KIN: variants seen among roughly 807,000 people sequenced by gnomAD.
KIN encodes the protein DNA/RNA-binding protein KIN17.
Under a neutral mutation model 63.0 loss-of-function variants are expected in KIN, and 47 were observed. That is an observed-to-expected ratio of 0.75 (90% CI 0.59 to 0.95). KIN has a LOEUF of 0.95. Ranked by LOEUF, KIN falls within the 40% of genes least tolerant of loss-of-function variation. The pLI is 0.00. For synonymous variants in KIN, 160 were observed against 157.7 expected (o/e 1.01, Z -0.11); for missense variants, 408 against 460.9 (o/e 0.89, Z 1.05).
intron 8 of KIN, among the ~76,000 whole-genome samples, chr10:7,768,927 G>A (rs1284641809): frequency 6.6e-6 from 1 of 152,090 alleles, no homozygotes; most frequent in Non-Finnish European, 1.5e-5. Flanking sequence ...TGAGCCAGGA[G>A]AATCATTTGA....
chr10:7,781,026 T>C (rs905673875), intron 2 of KIN, among the ~76,000 whole-genome samples: 3 of 152,208 alleles, frequency 2.0e-5, no homozygotes, highest in Non-Finnish European at 4.4e-5. Flanking sequence ...GTACACCGTA[T>C]TAAGTGCTAG....
intron 12 of KIN, among the ~76,000 whole-genome samples, chr10:7,757,865 T>C (rs1835362397): frequency 6.6e-6 from 1 of 152,110 alleles, no homozygotes; most frequent in Non-Finnish European, 1.5e-5. Context: ...CTGAAGCTAT[T>C]TAGGAACAAT....
At chr10:7,770,802 A>G (rs1418434395) in intron 7 of KIN, among the ~76,000 whole-genome samples, 1 of 152,194 alleles carries the variant, frequency 6.6e-6, no homozygotes, top group Non-Finnish European at 1.5e-5. Flanking sequence ...CAACAGATTT[A>G]TTATTTTCCT....
chr10:7,782,094 ATTTTTTTAAAAAACTTGT>A (rs1282994722), intron 2 of KIN, among the ~76,000 whole-genome samples: 1 of 152,064 alleles, frequency 6.6e-6, no homozygotes, highest in Non-Finnish European at 1.5e-5. Context: ...TTATAAACCA[ATTTTTTTAAAAAACTTGT>A]TTTTATTTCC....
chr10:7,766,752 G>A (rs531532969), intron 8 of KIN, among the ~76,000 whole-genome samples: 10 of 152,192 alleles, frequency 6.6e-5, no homozygotes, highest in South Asian at 4.1e-4. Context: ...GGCTGGGCGC[G>A]GTGGCTTATG....
chr10:7,775,708 AG>A, intron 6 of KIN, 42 bp downstream of exon 6: 1 of 1,064,712 alleles, frequency 9.4e-7, no homozygotes, highest in Non-Finnish European at 1.4e-6. Context: ...CCAATATAAA[AG>A]CATCTATGTT....
intron 7 of KIN, among the ~76,000 whole-genome samples, chr10:7,770,602 T>G (rs779559200): frequency 5.3e-5 from 8 of 152,224 alleles, no homozygotes; most frequent in Middle Eastern, 3.2e-3. Flanking sequence ...TATTTTTTCC[T>G]GCAAAGTAGC....
chr10:7,761,937 G>T (rs940681337), intron 11 of KIN, among the ~76,000 whole-genome samples: 1 of 152,118 alleles, frequency 6.6e-6, no homozygotes, highest in African/African-American at 2.4e-5. Flanking sequence ...GGAGATGGAG[G>T]TTGCAGTAAG....
At chr10:7,776,003 C>T (rs1835762790) in intron 5 of KIN, among the ~76,000 whole-genome samples, 1 of 151,778 alleles carries the variant, frequency 6.6e-6, no homozygotes, top group African/African-American at 2.4e-5. Context: ...CCGAGGCGGG[C>T]AGATCATGAG....
At chr10:7,769,106 C>A in intron 8 of KIN, 110 bp downstream of exon 8, 1 of 997,448 alleles carries the variant, frequency 1.0e-6, no homozygotes, top group Non-Finnish European at 1.5e-6. Context: ...GTCACTATTC[C>A]CTAGTCCGTA....
rs796977812 is a variant in KIN at position 7,786,599 on chromosome 10, CA to C, written c.114+1220del. Among the ~76,000 whole-genome samples, 935 of 140,012 alleles carry C rather than the reference CA, an allele frequency of 6.7e-3. 15 individuals are homozygous for C. Among genetic ancestry groups the C allele is most frequent in the African/African-American group, 0.021 (815 of 38,490 alleles). The allele number at this position is 140,012 out of a possible 152,430, so 91.9% of individuals were successfully genotyped here. On this transcript the variant is annotated intron_variant, in intron 1 of 12. Transcript: ENST00000379562. ...TGATGAACAGGGTGGGACCGTATCT[CA>C]AAAAAAAAAAGAGGAAGAGAAGTTT...
intron 5 of KIN, among the ~76,000 whole-genome samples, chr10:7,777,871 C>T (rs35425637): frequency 0.015 from 2,314 of 150,652 alleles, 27 homozygotes; most frequent in South Asian, 0.029. Context: ...TGCACTCCAG[C>T]CTGGGCGACA....
Position 7,755,402 on chromosome 10 carries a change from C to A in KIN, c.*678G>T, listed in dbSNP as rs1835314292. 3 of 152,268 alleles carry A rather than the reference C, an allele frequency of 2.0e-5. No individual in the cohort carries two copies. The highest frequency in any genetic ancestry group is 4.8e-5 in the African/African-American group (2 of 41,558). 9.4% of individuals were successfully genotyped at this position (152,268 alleles called of 1,614,324 possible). ...GTAAGAAGCCAGTCATAAAAGATCA[C>A]ATATTATATGATTCCATTTATAAGA... On this transcript the variant is annotated 3_prime_UTR_variant, in exon 13 of 13. Coordinates refer to ENST00000379562, the MANE Select transcript of KIN (RefSeq NM_012311.4).
chr10:7,783,713 G>A (rs182610218), intron 1 of KIN, among the ~76,000 whole-genome samples: 26 of 152,096 alleles, frequency 1.7e-4, no homozygotes, highest in African/African-American at 6.3e-4. Flanking sequence ...TTTTGACTTA[G>A]TATACCTCTC....
At chr10:7,768,113 C>T (rs1234172650) in intron 8 of KIN, among the ~76,000 whole-genome samples, 1 of 152,140 alleles carries the variant, frequency 6.6e-6, no homozygotes, top group Non-Finnish European at 1.5e-5. Flanking sequence ...TGCAGCATTA[C>T]TCTAGAGTCT....
At chr10:7,776,662 C>T (rs192077430) in intron 5 of KIN, among the ~76,000 whole-genome samples, 31 of 142,942 alleles carry the variant, frequency 2.2e-4, no homozygotes, top group African/African-American at 7.4e-4. Context: ...ACCTGGGAGG[C>T]GGAGGTTGCA....
chr10:7,780,122 G>C lies in KIN; in HGVS notation c.310C>G (p.His104Asp). Reference sequence around the variant, plus strand: ...CACTGAGTGGCATTCATGTGGATGTGCTCTCGGTGGCTGATGTATTCGTTG... The same window carrying C: ...CACTGAGTGGCATTCATGTGGATGTCCTCTCGGTGGCTGATGTATTCGTTG... The part of the protein sequence containing the change: ...VYNEYISHRE[H>D]IHMNATQWET... Residue 104 changes from histidine to aspartate, a missense_variant, in exon 4 of 13, where the codon CAC (histidine) becomes GAC (aspartate). Around this residue, in one of 2 missense-constraint regions of KIN, gnomAD observed 110 missense variants for 164.9 expected, o/e 0.67. Transcript: ENST00000379562. 1 of 1,613,734 alleles carries C rather than the reference G, an allele frequency of 6.2e-7. No homozygotes were observed. Among genetic ancestry groups the C allele is most frequent in the Non-Finnish European group, 8.5e-7 (1 of 1,179,784 alleles).
At chr10:7,763,930 T>C (rs1835489587) in intron 9 of KIN, 139 bp from the exon 10 acceptor site, 3 of 532,828 alleles carry the variant, frequency 5.6e-6, no homozygotes, top group Non-Finnish European at 9.8e-6. Flanking sequence ...TGGAGTTCTC[T>C]GCCTTCCCAA....
Position 7,775,748 on chromosome 10 carries a change from T to A in KIN, c.607+3A>T. On this transcript the variant is annotated splice_donor_region_variant and intron_variant, in intron 6 of 12. Transcript: ENST00000379562. ...AAAAAGAAAAAATAAAAAATAAAAC[T>A]ACCTTTCTCTTCATCATTTTCTCTG... 6.7e-7 allele frequency: 1 copy of A among 1,492,140 alleles called. No homozygotes were observed. The highest frequency in any genetic ancestry group is 1.2e-5 in the South Asian group (1 of 81,178). The allele number at this position is 1,492,140 out of a possible 1,614,324, so 92.4% of individuals were successfully genotyped here. A position where few individuals can be genotyped will look rare whatever the true frequency, so the allele number is the denominator to read the frequency against.
Sources: gnomAD v4.1 joint callset for allele counts (sites outside exome capture counted in the v4.1 genomes callset) on GRCh38, gnomAD v4.1.1 for gene constraint, gnomAD v4.1.1 regional missense constraint, MANE v1.5 for transcripts, NCBI Gene and HGNC (gene_info 2026-07-23, HGNC 2026-07-21) for gene names.